The following ACTR3C variants were observed in gnomAD, a reference collection of about 807,000 sequenced individuals.
ACTR3C encodes actin-related protein 3C.
In ACTR3C, 18 loss-of-function variants were observed where a neutral mutation model predicts 26.3. The observed-to-expected ratio is 0.68, with a 90% CI of 0.47 to 1.01. The LOEUF (loss-of-function observed/expected upper bound fraction) is 1.01, where lower values mean the gene tolerates loss of function less well. ACTR3C is among the 50% of genes least tolerant of loss of function. The pLI, the probability that ACTR3C is intolerant of heterozygous loss-of-function variation, is 0.00. For synonymous variants in ACTR3C, 55 were observed against 94.5 expected (o/e 0.58, Z 2.42); for missense variants, 184 against 250.7 (o/e 0.73, Z 1.80).
Position 150,274,957 on chromosome 7 carries a change from C to T in ACTR3C, c.564+9796G>A, listed in dbSNP as rs941527604. Among the ~76,000 whole-genome samples the T allele has an allele frequency of 6.6e-6, 1 of 152,180 alleles. No homozygotes were observed. The highest frequency in any genetic ancestry group is 2.4e-5 in the African/African-American group (1 of 41,446). On this transcript the variant is annotated intron_variant, in intron 6 of 7. Coordinates refer to ENST00000683684, the MANE Select transcript of ACTR3C (RefSeq NM_001164458.2). The surrounding 1 kb of genome is among the most constrained non-coding windows in gnomAD (Gnocchi z 4.1). ...TCCGGACACCAGCCCACAGTCATTC[C>T]CTCCCACAGCCCACTCAGAACTGCA...
chr7:150,272,200 G>T (rs1352982153), intron 6 of ACTR3C, among the ~76,000 whole-genome samples: 2 of 142,376 alleles, frequency 1.4e-5, no homozygotes, highest in Non-Finnish European at 3.0e-5. Flanking sequence ...ATGGTTGAGA[G>T]TCTGCCTCTC....
chr7:150,039,092 C>G, the ACTR3C span, among the ~76,000 whole-genome samples: 1 of 149,574 alleles, frequency 6.7e-6, no homozygotes, highest in African/African-American at 2.5e-5. Flanking sequence ...TACTAACACC[C>G]ACAGTCCTCC....
At chr7:150,018,088 G>A in the ACTR3C span, among the ~76,000 whole-genome samples, 1 of 150,372 alleles carries the variant, frequency 6.7e-6, no homozygotes, top group African/African-American at 2.5e-5. Flanking sequence ...GAGTGGAAAC[G>A]GAGTCGTGTG....
At chr7:150,195,162 A>T in the ACTR3C span, among the ~76,000 whole-genome samples, 1 of 150,196 alleles carries the variant, frequency 6.7e-6, no homozygotes, top group Non-Finnish European at 1.5e-5. Flanking sequence ...TGTAAGGATC[A>T]CAACAATGTA....
chr7:149,967,448 A>G, the ACTR3C span, among the ~76,000 whole-genome samples: 5 of 152,180 alleles, frequency 3.3e-5, no homozygotes, highest in African/African-American at 1.2e-4. Context: ...CTGGGATTAC[A>G]GGTGTTTGCC....
intron 3 of ACTR3C, among the ~76,000 whole-genome samples, chr7:150,290,667 T>C (rs1836177792): frequency 6.6e-6 from 1 of 152,262 alleles, no homozygotes; most frequent in Admixed American, 6.5e-5. Context: ...CTATGGTTTC[T>C]TTCTGATATA....
At chr7:150,128,742 G>A in the ACTR3C span, among the ~76,000 whole-genome samples, 3 of 151,778 alleles carry the variant, frequency 2.0e-5, no homozygotes, top group Admixed American at 2.0e-4. Context: ...AGGAATAACA[G>A]GGACTAGATT....
At chr7:150,151,007 T>G in the ACTR3C span, among the ~76,000 whole-genome samples, 1 of 130,442 alleles carries the variant, frequency 7.7e-6, no homozygotes, top group Non-Finnish European at 1.7e-5. Flanking sequence ...TGTTTTCCTT[T>G]TATTTCTGCT....
the ACTR3C span, among the ~76,000 whole-genome samples, chr7:149,915,229 A>G: frequency 1.3e-5 from 2 of 151,740 alleles, no homozygotes. Flanking sequence ...AAGGAAATTA[A>G]GTGAAAAACT....
chr7:150,247,317 G>GT lies in ACTR3C; in HGVS notation c.*290dup, dbSNP rs1470312818. Reference sequence around the variant, plus strand: ...ATTTGATGAAATTATTCACCCAGATGTAAGTGTCGGTATGTTATTAATACT... The same window carrying GT: ...ATTTGATGAAATTATTCACCCAGATGTTAAGTGTCGGTATGTTATTAATACT... On this transcript the variant is annotated 3_prime_UTR_variant, in exon 8 of 8. Transcript: ENST00000683684. 1 of 152,170 alleles carries GT rather than the reference G, an allele frequency of 6.6e-6. No individual in the cohort carries two copies. Among genetic ancestry groups the GT allele is most frequent in the Admixed American group, 6.5e-5 (1 of 15,280 alleles). 9.4% of individuals were successfully genotyped at this position (152,170 alleles called of 1,614,324 possible). A position where few individuals can be genotyped will look rare whatever the true frequency, so the allele number is the denominator to read the frequency against.
At chr7:150,068,779 T>TC in the ACTR3C span, among the ~76,000 whole-genome samples, 7 of 50,048 alleles carry the variant, frequency 1.4e-4, no homozygotes, top group Admixed American at 6.2e-4. Flanking sequence ...CGAGACTCCG[T>TC]CCCAAAAAAA....
chr7:150,042,288 GGTCCCC>G, the ACTR3C span, among the ~76,000 whole-genome samples: 7 of 56,546 alleles, frequency 1.2e-4, 2 homozygotes, highest in Middle Eastern at 0.046. Context: ...CTGCGATGGG[GGTCCCC>G]AGAGCCAGGG....
intron 1 of ACTR3C, among the ~76,000 whole-genome samples, chr7:150,319,627 A>C (rs1010767657): frequency 6.6e-6 from 1 of 152,274 alleles, no homozygotes; most frequent in Non-Finnish European, 1.5e-5. Context: ...AGATGGAGGC[A>C]AAGCACTTTG....
the ACTR3C span, among the ~76,000 whole-genome samples, chr7:150,106,669 T>A: frequency 7.5e-6 from 1 of 132,506 alleles, no homozygotes; most frequent in African/African-American, 3.3e-5. Context: ...TGTAATTCTA[T>A]AATATTAGCT....
the ACTR3C span, among the ~76,000 whole-genome samples, chr7:149,884,594 TAAA>T: frequency 6.9e-6 from 1 of 145,598 alleles, no homozygotes; most frequent in Non-Finnish European, 1.5e-5. Context: ...TTTGTCAACT[TAAA>T]AAAAAAAAAG....
chr7:150,046,347 G>GCCCCCCC, the ACTR3C span, among the ~76,000 whole-genome samples: 6 of 17,010 alleles, frequency 3.5e-4, no homozygotes, highest in Admixed American at 1.9e-3. Flanking sequence ...ATGTCTCACC[G>GCCCCCCC]CCCCCCCCCC....
At chr7:150,280,291 C>T (rs545412806) in intron 6 of ACTR3C, among the ~76,000 whole-genome samples, 15 of 152,162 alleles carry the variant, frequency 9.9e-5, no homozygotes, top group Admixed American at 2.0e-4. Context: ...TGCTCTCACA[C>T]GGAGGCTTCC....
At chr7:150,107,998 T>G in the ACTR3C span, among the ~76,000 whole-genome samples, 1 of 151,768 alleles carries the variant, frequency 6.6e-6, no homozygotes, top group African/African-American at 2.4e-5. Context: ...CATAAAGGAC[T>G]TCAGCCAATT....
chr7:149,930,580 C>T, the ACTR3C span, among the ~76,000 whole-genome samples: 1 of 152,196 alleles, frequency 6.6e-6, no homozygotes, highest in Non-Finnish European at 1.5e-5. Context: ...CCTGGTCCCT[C>T]TGAGCCACCA....
Sources: gnomAD v4.1 joint callset for allele counts (sites outside exome capture counted in the v4.1 genomes callset) on GRCh38, gnomAD v4.1.1 for gene constraint, Gnocchi (gnomAD v3.1) non-coding constraint, MANE v1.5 for transcripts, NCBI Gene and HGNC (gene_info 2026-07-23, HGNC 2026-07-21) for gene names.